IKZF1: variants seen among roughly 807,000 people sequenced by gnomAD.
IKZF1 encodes the protein IKAROS family zinc finger 1, also known as DNA-binding protein Ikaros.
Under a neutral mutation model 51.7 loss-of-function variants are expected in IKZF1, and 10 were observed. The ratio of observed to expected loss-of-function variants is 0.19; its 90% CI spans 0.12 to 0.33. The LOEUF is 0.33. IKZF1 is among the 10% of genes least tolerant of loss of function. The pLI, the probability that IKZF1 is intolerant of heterozygous loss-of-function variation, is 1.00. For missense variants in IKZF1, 484 were observed against 707.5 expected (o/e 0.68, Z 3.58); for synonymous variants, 280 against 282.3 (o/e 0.99, Z 0.08).
intron 3 of IKZF1, among the ~76,000 whole-genome samples, chr7:50,356,929 T>C (rs892177382): frequency 6.6e-6 from 1 of 151,512 alleles, no homozygotes; most frequent in African/African-American, 2.4e-5. Flanking sequence ...AAGGCCCGAC[T>C]GTCCGGTCTT....
At chr7:50,372,409 C>G (rs965016167) in intron 3 of IKZF1, among the ~76,000 whole-genome samples, 24 of 152,248 alleles carry the variant, frequency 1.6e-4, no homozygotes, top group African/African-American at 5.8e-4. Flanking sequence ...CTTCACCAAC[C>G]TTTCCCGTCA....
chr7:50,400,653 C>T lies in IKZF1; in HGVS notation c.*26C>T. 6.3e-7 allele frequency: 1 copy of T among 1,577,518 alleles called. No homozygotes were observed. Among genetic ancestry groups the T allele is most frequent in the African/African-American group, 1.3e-5 (1 of 74,500 alleles). ...AGCCCTCCCGCGCCCCCACCCCAGACCCCGAGCCACCCCAGGAAAAGCACA... is the reference window on the plus strand; with the variant it reads ...AGCCCTCCCGCGCCCCCACCCCAGATCCCGAGCCACCCCAGGAAAAGCACA... On this transcript the variant is annotated 3_prime_UTR_variant, in exon 8 of 8. Coordinates refer to ENST00000331340, the MANE Select transcript of IKZF1 (RefSeq NM_006060.6). This position sits in a 1 kb window ranked among gnomAD's most constrained non-coding sequence, Gnocchi z 5.4.
intron 6 of IKZF1, among the ~76,000 whole-genome samples, chr7:50,390,744 T>C (rs974064009): frequency 6.6e-6 from 1 of 152,234 alleles, no homozygotes; most frequent in African/African-American, 2.4e-5. Flanking sequence ...TTGGCAACTT[T>C]TTAGAAGAAG....
intron 2 of IKZF1, among the ~76,000 whole-genome samples, chr7:50,322,087 G>A (rs6583440): frequency 0.35 from 53,861 of 152,012 alleles, 10,367 homozygotes; most frequent in Admixed American, 0.48. Flanking sequence ...AGAATCAAAG[G>A]ATACTTTTTC....
At chr7:50,397,271 A>G (rs983947377) in intron 7 of IKZF1, among the ~76,000 whole-genome samples, 6 of 152,226 alleles carry the variant, frequency 3.9e-5, no homozygotes, top group African/African-American at 1.4e-4. Flanking sequence ...ATAATATTCT[A>G]TGACTATACA....
At chr7:50,345,986 A>G (rs1021826821) in intron 3 of IKZF1, among the ~76,000 whole-genome samples, 2 of 152,256 alleles carry the variant, frequency 1.3e-5, no homozygotes, top group African/African-American at 4.8e-5. Flanking sequence ...ACTGAAATCC[A>G]TCACTGCTTT....
intron 3 of IKZF1, among the ~76,000 whole-genome samples, chr7:50,366,542 T>C (rs1305129927): frequency 6.6e-6 from 1 of 152,210 alleles, no homozygotes; most frequent in Admixed American, 6.5e-5. Context: ...GAGCTCTGGA[T>C]GTAGACTGCA....
chr7:50,358,228 C>T (rs556963003), intron 3 of IKZF1, among the ~76,000 whole-genome samples: 1 of 152,160 alleles, frequency 6.6e-6, no homozygotes, highest in African/African-American at 2.4e-5. Context: ...CCCCTTACTT[C>T]GAAGAAGTGT....
At chr7:50,320,672 T>G (rs1316308053) in intron 2 of IKZF1, among the ~76,000 whole-genome samples, 1 of 152,206 alleles carries the variant, frequency 6.6e-6, no homozygotes, top group Non-Finnish European at 1.5e-5. Flanking sequence ...CACATGTGAG[T>G]GAGAACATGT....
intron 3 of IKZF1, among the ~76,000 whole-genome samples, chr7:50,343,502 C>T (rs1384002498): frequency 6.6e-6 from 1 of 152,110 alleles, no homozygotes; most frequent in Non-Finnish European, 1.5e-5. Context: ...GGAAGAGTCA[C>T]AACTACACAA....
At position 50,311,033 on chromosome 7, in the gene IKZF1, T is replaced by G. The variant is rs138660194; in HGVS notation, c.-15+6111T>G. The stretch of plus-strand genomic sequence containing the variant: ...TATAGTTCAACATAGATTAATTTCT[T>G]ATAGTTATTATGAAAAAAATCTCAT... On this transcript the variant is annotated intron_variant, in intron 1 of 7. Coordinates refer to ENST00000331340, the MANE Select transcript of IKZF1 (RefSeq NM_006060.6). Among the ~76,000 whole-genome samples, 4 of 152,344 alleles carry G rather than the reference T, an allele frequency of 2.6e-5. No homozygotes were observed. In the East Asian group the frequency reaches 7.7e-4, roughly 29 times the overall value.
At chr7:50,358,334 A>G (rs1412834858) in intron 3 of IKZF1, among the ~76,000 whole-genome samples, 1 of 152,246 alleles carries the variant, frequency 6.6e-6, no homozygotes, top group African/African-American at 2.4e-5. Context: ...GTTTCTTCCT[A>G]AGAGATGTGA....
At chr7:50,399,556 TTTCAAATACAC>T (rs1158141958) in intron 7 of IKZF1, among the ~76,000 whole-genome samples, 1 of 152,194 alleles carries the variant, frequency 6.6e-6, no homozygotes, top group African/African-American at 2.4e-5. Context: ...AAAAGCATCA[TTTCAAATACAC>T]TATTTAAAAT....
intron 3 of IKZF1, among the ~76,000 whole-genome samples, chr7:50,353,405 C>T (rs1429547514): frequency 3.3e-5 from 5 of 152,234 alleles, no homozygotes; most frequent in South Asian, 2.1e-4. Flanking sequence ...AAGCCACCTG[C>T]GCCTGCTGGC....
chr7:50,363,161 G>A (rs917797520), intron 3 of IKZF1, among the ~76,000 whole-genome samples: 3 of 152,176 alleles, frequency 2.0e-5, no homozygotes, highest in African/African-American at 7.2e-5. Flanking sequence ...GATGGGATTT[G>A]GGTTTGGGTG....
chr7:50,360,138 C>G (rs1417025749), intron 3 of IKZF1, among the ~76,000 whole-genome samples: 2 of 151,960 alleles, frequency 1.3e-5, no homozygotes, highest in African/African-American at 4.8e-5. Flanking sequence ...TGACAGGGAC[C>G]CGTTGGGCTT....
intron 3 of IKZF1, among the ~76,000 whole-genome samples, chr7:50,331,270 G>C: frequency 6.6e-6 from 1 of 152,050 alleles, no homozygotes; most frequent in East Asian, 1.9e-4. Flanking sequence ...AAAAAAAATG[G>C]TCCAAAGAAT....
intron 1 of IKZF1, among the ~76,000 whole-genome samples, chr7:50,315,649 GA>G (rs1366585873): frequency 6.6e-6 from 1 of 152,226 alleles, no homozygotes; most frequent in Non-Finnish European, 1.5e-5. Context: ...AGGCAAAGTA[GA>G]AAACTGCGGT....
At chr7:50,320,279 T>G (rs1354907605) in intron 2 of IKZF1, among the ~76,000 whole-genome samples, 1 of 152,170 alleles carries the variant, frequency 6.6e-6, no homozygotes, top group Non-Finnish European at 1.5e-5. Context: ...ATATTTTCAC[T>G]TAATTTTTAA....
Sources: gnomAD v4.1 joint callset for allele counts (sites outside exome capture counted in the v4.1 genomes callset) on GRCh38, gnomAD v4.1.1 for gene constraint, Gnocchi (gnomAD v3.1) non-coding constraint, MANE v1.5 for transcripts, NCBI Gene and HGNC (gene_info 2026-07-23, HGNC 2026-07-21) for gene names.